The following CALN1 variants were observed in gnomAD, a reference collection of about 807,000 sequenced individuals.
CALN1 encodes calneuron 1.
In CALN1, 17 loss-of-function variants were observed where a neutral mutation model predicts 30.6. The ratio of observed to expected loss-of-function variants is 0.56; its 90% CI spans 0.38 to 0.83. CALN1 has a LOEUF of 0.83. CALN1 is among the 40% of genes least tolerant of loss of function. CALN1 has a pLI of 0.00. For missense variants in CALN1, 291 were observed against 354.9 expected (o/e 0.82, Z 1.45); for synonymous variants, 156 against 131.4 (o/e 1.19, Z -1.28).
At position 71,785,858 on chromosome 7, in the gene CALN1, G is replaced by C. The variant is rs1190455353; in HGVS notation, c.*1917C>G. The C allele has an allele frequency of 1.3e-5, 2 of 152,854 alleles. No homozygotes were observed. Among genetic ancestry groups the C allele is most frequent in the African/African-American group, 4.8e-5 (2 of 41,446 alleles). 9.5% of individuals were successfully genotyped at this position (152,854 alleles called of 1,614,324 possible). ...TGTGCAGGCAGCAGGGCAGGTAAGG[G>C]GGAAAGGCAGGTTGCTGCCTCCTTG... On this transcript the variant is annotated 3_prime_UTR_variant, in exon 7 of 7. Transcript: ENST00000395275.
intron 3 of CALN1, among the ~76,000 whole-genome samples, chr7:72,145,767 T>C (rs1786664596): frequency 6.6e-6 from 1 of 152,160 alleles, no homozygotes; most frequent in South Asian, 2.1e-4. Context: ...AAAAAGCTTA[T>C]CCACCATGAT....
At chr7:72,270,976 AG>A (rs1429709025) in intron 3 of CALN1, among the ~76,000 whole-genome samples, 1 of 152,192 alleles carries the variant, frequency 6.6e-6, no homozygotes, top group African/African-American at 2.4e-5. Context: ...TCAGAGAGGA[AG>A]GAAGACTTAC....
intron 4 of CALN1, among the ~76,000 whole-genome samples, chr7:72,092,208 G>A (rs1452355689): frequency 2.6e-5 from 4 of 151,744 alleles, no homozygotes; most frequent in Non-Finnish European, 4.4e-5. Context: ...AAAGGTTTTT[G>A]GTTTTTAATT....
chr7:71,830,003 C>T (rs1223634496), intron 5 of CALN1, among the ~76,000 whole-genome samples: 1 of 148,740 alleles, frequency 6.7e-6, no homozygotes, highest in African/African-American at 2.5e-5. Context: ...CCATCTTTTT[C>T]TATGTGTGTA....
At chr7:72,388,908 G>C (rs541578533) in intron 2 of CALN1, among the ~76,000 whole-genome samples, 1 of 152,266 alleles carries the variant, frequency 6.6e-6, no homozygotes, top group South Asian at 2.1e-4. Context: ...TATCTGCCCT[G>C]AGTGTTTGGG....
chr7:72,258,770 T>C (rs1446566939), intron 3 of CALN1, among the ~76,000 whole-genome samples: 1 of 143,946 alleles, frequency 6.9e-6, no homozygotes, highest in Non-Finnish European at 1.5e-5. Context: ...ATACAAAAAT[T>C]AGCTGGGTGT....
At chr7:72,354,368 T>C (rs778426278) in intron 2 of CALN1, among the ~76,000 whole-genome samples, 11 of 152,238 alleles carry the variant, frequency 7.2e-5, no homozygotes, top group Admixed American at 1.3e-4. Flanking sequence ...AATTTTAAGA[T>C]GTCAATTCTC....
chr7:72,137,661 T>C (rs1809605550), intron 3 of CALN1, among the ~76,000 whole-genome samples: 1 of 152,210 alleles, frequency 6.6e-6, no homozygotes, highest in Non-Finnish European at 1.5e-5. Context: ...AAAGAAATTA[T>C]TTGGATAACT....
At chr7:72,487,457 G>C in the CALN1 span, among the ~76,000 whole-genome samples, 2 of 151,732 alleles carry the variant, frequency 1.3e-5, no homozygotes, top group Admixed American at 6.6e-5. Flanking sequence ...AGACTGAGAT[G>C]GGTGGATCAC....
intron 5 of CALN1, among the ~76,000 whole-genome samples, chr7:71,992,981 G>A (rs541422812): frequency 1.8e-4 from 27 of 152,280 alleles, no homozygotes; most frequent in Non-Finnish European, 3.7e-4. Flanking sequence ...TTCTGAGAAA[G>A]AGTTCCCTTC....
chr7:71,819,176 T>C (rs1442674378), intron 5 of CALN1, among the ~76,000 whole-genome samples: 18 of 151,724 alleles, frequency 1.2e-4, no homozygotes, highest in African/African-American at 4.8e-5. Flanking sequence ...TTTATTGTGG[T>C]AAAATATAAT....
intron 5 of CALN1, among the ~76,000 whole-genome samples, chr7:71,828,008 A>G (rs1789032586): frequency 6.6e-6 from 1 of 152,072 alleles, no homozygotes; most frequent in East Asian, 1.9e-4. Flanking sequence ...TCCACAATGA[A>G]TATGTATCAC....
intron 3 of CALN1, among the ~76,000 whole-genome samples, chr7:72,239,695 A>G (rs1225012444): frequency 5.7e-5 from 1 of 17,608 alleles, no homozygotes; most frequent in African/African-American, 2.6e-4. Flanking sequence ...ATGCTACAGA[A>G]AAAAAAAATG....
At chr7:71,980,170 C>A (rs1311778784) in intron 5 of CALN1, among the ~76,000 whole-genome samples, 1 of 148,170 alleles carries the variant, frequency 6.7e-6, no homozygotes, top group African/African-American at 2.5e-5. Flanking sequence ...AGCCACCATG[C>A]CTGGCCTCTT....
In CALN1 at chr7:72,026,459, G is replaced by A. The variant is rs1015366314; in HGVS notation, c.389-2690C>T. On this transcript the variant is annotated intron_variant, in intron 4 of 6. Coordinates refer to ENST00000395275, the MANE Select transcript of CALN1 (RefSeq NM_031468.4). ...TAATTAGCTGGGTCTGGTGGCAGGT[G>A]CCTGTAATCCCAGCGATTCGGGAGG... 9.9e-5 allele frequency among the ~76,000 whole-genome samples: 15 copies of A among 152,152 alleles called. No homozygotes were observed. The East Asian group carries it at 2.6e-3, about 26-fold the overall frequency.
chr7:71,953,766 G>A (rs543898036), intron 5 of CALN1, among the ~76,000 whole-genome samples: 3 of 152,028 alleles, frequency 2.0e-5, no homozygotes, highest in African/African-American at 4.8e-5. Context: ...GACAAGCAGA[G>A]GACCAGTTTC....
intron 5 of CALN1, among the ~76,000 whole-genome samples, chr7:71,864,474 C>T: frequency 6.6e-6 from 1 of 152,120 alleles, no homozygotes; most frequent in East Asian, 1.9e-4. Context: ...ACAGGGACTT[C>T]CATCCTGGAG....
chr7:71,799,462 G>T (rs560544373), intron 6 of CALN1, among the ~76,000 whole-genome samples: 2,217 of 148,822 alleles, frequency 0.015, 58 homozygotes, highest in African/African-American at 0.052. Context: ...TAGTTAGTTA[G>T]TTAGTTAGTT....
At chr7:72,165,496 G>A (rs962289008) in intron 3 of CALN1, among the ~76,000 whole-genome samples, 4 of 152,008 alleles carry the variant, frequency 2.6e-5, no homozygotes, top group African/African-American at 9.7e-5. Context: ...TTAAACCCAG[G>A]AGGATCGCTT....
Sources: allele counts gnomAD v4.1 joint callset (sites outside exome capture counted in the v4.1 genomes callset), GRCh38; gene constraint gnomAD v4.1.1; transcripts MANE v1.5; gene names NCBI Gene and HGNC (gene_info 2026-07-23, HGNC 2026-07-21).